Variants in PRKCE observed in about 807,000 individuals in gnomAD.
PRKCE encodes the protein protein kinase C epsilon type.
A neutral mutation model predicts 85.4 loss-of-function variants in PRKCE; 16 were observed. The observed-to-expected ratio is 0.19, with a 90% CI of 0.13 to 0.28. The LOEUF is 0.28. Ranked by LOEUF, PRKCE falls within the 10% of genes least tolerant of loss-of-function variation. The pLI, the probability that PRKCE is intolerant of heterozygous loss-of-function variation, is 1.00. For missense variants in PRKCE, 573 were observed against 975.2 expected (o/e 0.59, Z 5.49); for synonymous variants, 388 against 371.5 (o/e 1.04, Z -0.51).
rs1677131041 is a variant in PRKCE, at chr2:46,155,733, C to G, written c.1921-3873C>G. 6.6e-6 allele frequency among the ~76,000 whole-genome samples: 1 copy of G among 152,192 alleles called. No homozygotes were observed. Among genetic ancestry groups the G allele is most frequent in the Non-Finnish European group, 1.5e-5 (1 of 68,026 alleles). On this transcript the variant is annotated intron_variant, in intron 13 of 14. Coordinates refer to ENST00000306156, the MANE Select transcript of PRKCE (RefSeq NM_005400.3). The surrounding 1 kb of genome is among the most constrained non-coding windows in gnomAD (Gnocchi z 4.7). ...GGGTGCAATCCCTCTCTCCCCATCA[C>G]AGCTAGTCATCAAGTCCGTTCCCCC...
intron 14 of PRKCE, among the ~76,000 whole-genome samples, chr2:46,169,107 G>C (rs1309614066): frequency 1.3e-5 from 2 of 152,130 alleles, no homozygotes; most frequent in Non-Finnish European, 2.9e-5. Flanking sequence ...TGACTGGGGG[G>C]GTGTGTTCTG....
intron 1 of PRKCE, among the ~76,000 whole-genome samples, chr2:45,827,352 A>G (rs1167293812): frequency 2.0e-5 from 3 of 152,262 alleles, no homozygotes; most frequent in Non-Finnish European, 2.9e-5. Context: ...TGAAGGATCT[A>G]TTCTGACATT....
intron 2 of PRKCE, among the ~76,000 whole-genome samples, chr2:45,910,165 A>G (rs987269390): frequency 6.6e-6 from 1 of 152,150 alleles, no homozygotes; most frequent in African/African-American, 2.4e-5. Context: ...GTAGTTAATG[A>G]TTCTAAAAAT....
At chr2:45,899,434 G>A (rs1370420980) in intron 2 of PRKCE, among the ~76,000 whole-genome samples, 1 of 149,818 alleles carries the variant, frequency 6.7e-6, no homozygotes, top group Non-Finnish European at 1.5e-5. Flanking sequence ...AGGCTAGAGT[G>A]CAGTGGCACA....
At position 46,028,107 on chromosome 2, in the gene PRKCE, G is replaced by T. The variant is rs1707256233; in HGVS notation, c.1437+17590G>T. Among the ~76,000 whole-genome samples, 5 of 152,052 alleles carry T rather than the reference G, an allele frequency of 3.3e-5. No individual in the cohort carries two copies. The South Asian group carries it at 1.0e-3, about 32-fold the overall frequency. ...CAGGCTCCCACCACTGCACCCGGCT[G>T]ACTTTTGTGTTTTTAGTAGAGACGG... is the stretch of plus-strand genomic sequence containing the variant. On this transcript the variant is annotated intron_variant, in intron 10 of 14. Coordinates refer to ENST00000306156, the MANE Select transcript of PRKCE (RefSeq NM_005400.3).
intron 1 of PRKCE, among the ~76,000 whole-genome samples, chr2:45,699,768 G>A (rs1486284513): frequency 6.6e-6 from 1 of 152,210 alleles, no homozygotes; most frequent in Non-Finnish European, 1.5e-5. Flanking sequence ...TCCTTAGAGA[G>A]CAGTGGCTTA....
intron 10 of PRKCE, among the ~76,000 whole-genome samples, chr2:46,012,868 C>G (rs1705805572): frequency 6.6e-6 from 1 of 152,194 alleles, no homozygotes; most frequent in Admixed American, 6.5e-5. Context: ...CCAGGGATTT[C>G]TTTTATGGCA....
In PRKCE at chr2:45,759,654, G is replaced by A. The variant is rs368228023; in HGVS notation, c.349-83346G>A. Among the ~76,000 whole-genome samples the A allele has an allele frequency of 9.2e-5, 14 of 152,326 alleles. No homozygotes were observed. The East Asian group carries it at 1.3e-3, about 15-fold the overall frequency. On this transcript the variant is annotated intron_variant, in intron 1 of 14. Transcript: ENST00000306156. ...TCAGTTATTACACTCTTTGATGTAA[G>A]TATAGAAGTGCCTCGGTTATGATCT...
intron 11 of PRKCE, among the ~76,000 whole-genome samples, chr2:46,123,296 T>G (rs10211649): frequency 7.8e-6 from 1 of 128,888 alleles, no homozygotes; most frequent in Non-Finnish European, 1.6e-5. Context: ...GCAAAGCACA[T>G]GCTTTAATAT....
At chr2:45,787,509 G>A (rs1426628297) in intron 1 of PRKCE, among the ~76,000 whole-genome samples, 1 of 152,260 alleles carries the variant, frequency 6.6e-6, no homozygotes, top group South Asian at 2.1e-4. Flanking sequence ...AGGCAATGGA[G>A]CCAGGCAGGT....
intron 1 of PRKCE, among the ~76,000 whole-genome samples, chr2:45,759,522 C>A (rs1406258109): frequency 6.6e-6 from 1 of 152,240 alleles, no homozygotes; most frequent in Non-Finnish European, 1.5e-5. Flanking sequence ...TGAGCTCCTG[C>A]AGGAAGCAAG....
At chr2:45,925,653 G>A (rs1242189972) in intron 2 of PRKCE, among the ~76,000 whole-genome samples, 1 of 152,204 alleles carries the variant, frequency 6.6e-6, no homozygotes, top group East Asian at 1.9e-4. Context: ...GTGTACCTAG[G>A]ATACATCCAT....
chr2:45,845,880 G>A (rs1382407324), intron 2 of PRKCE: 1 of 152,180 alleles, frequency 6.6e-6, no homozygotes, highest in African/African-American at 2.4e-5. Flanking sequence ...CCGGCCATGT[G>A]ATTTTATCCT....
intron 1 of PRKCE, among the ~76,000 whole-genome samples, chr2:45,730,799 T>C (rs1242618128): frequency 6.6e-6 from 1 of 152,190 alleles, no homozygotes; most frequent in Non-Finnish European, 1.5e-5. Flanking sequence ...CCAGTTTCTT[T>C]TCTGTCTCTG....
At chr2:46,022,086 A>C (rs905812885) in intron 10 of PRKCE, among the ~76,000 whole-genome samples, 1 of 152,206 alleles carries the variant, frequency 6.6e-6, no homozygotes, top group Non-Finnish European at 1.5e-5. Flanking sequence ...GGTGCAACCT[A>C]TTCAGCTGTT....
At chr2:45,688,869 C>G (rs547018) in intron 1 of PRKCE, among the ~76,000 whole-genome samples, 118,816 of 152,238 alleles carry the variant, frequency 0.78, 46,799 homozygotes, top group African/African-American at 0.89. Context: ...GCCAGAGACT[C>G]TCTTATCAGT....
At chr2:45,884,464 G>A (rs766416381) in intron 2 of PRKCE, among the ~76,000 whole-genome samples, 6 of 152,146 alleles carry the variant, frequency 3.9e-5, no homozygotes, top group Admixed American at 2.0e-4. Context: ...GTGGTCTTAG[G>A]CAAGTCCTCC....
At chr2:46,169,135 AC>A (rs1254489710) in intron 14 of PRKCE, among the ~76,000 whole-genome samples, 3 of 152,066 alleles carry the variant, frequency 2.0e-5, no homozygotes, top group African/African-American at 7.2e-5. Context: ...CAAGTGGAGG[AC>A]CTTTGATCTC....
intron 11 of PRKCE, among the ~76,000 whole-genome samples, chr2:46,128,283 T>C (rs1161539052): frequency 1.3e-5 from 2 of 152,196 alleles, no homozygotes; most frequent in Non-Finnish European, 2.9e-5. Context: ...TTTTTTAGTA[T>C]GTGAGAAAGG....
Sources: allele counts gnomAD v4.1 joint callset (sites outside exome capture counted in the v4.1 genomes callset), GRCh38; gene constraint gnomAD v4.1.1; non-coding constraint Gnocchi (gnomAD v3.1); transcripts MANE v1.5; gene names NCBI Gene and HGNC (gene_info 2026-07-23, HGNC 2026-07-21).